Variants in DRC11 observed in about 807,000 individuals in gnomAD.
The protein encoded by DRC11 is IQ and AAA domain-containing protein 1.
the DRC11 span, among the ~76,000 whole-genome samples, chr2:236,504,002 C>T: frequency 6.6e-6 from 1 of 152,154 alleles, no homozygotes; most frequent in African/African-American, 2.4e-5. The surrounding 1 kb of genome is among the most constrained non-coding windows in gnomAD (Gnocchi z 5.0). Flanking sequence ...GTGTACAATT[C>T]AGTGGTTTTC....
the DRC11 span, among the ~76,000 whole-genome samples, chr2:236,477,581 C>T: frequency 2.0e-5 from 3 of 152,094 alleles, no homozygotes; most frequent in South Asian, 6.2e-4. Context: ...TTTTCTTCTC[C>T]TTAATTTTTT....
chr2:236,409,530 G>A, the DRC11 span, among the ~76,000 whole-genome samples: 8 of 152,048 alleles, frequency 5.3e-5, no homozygotes, highest in Non-Finnish European at 1.2e-4. Context: ...GGGTTTTCTA[G>A]ATATACAATC....
chr2:236,460,914 C>T, the DRC11 span, among the ~76,000 whole-genome samples: 1 of 152,114 alleles, frequency 6.6e-6, no homozygotes, highest in Non-Finnish European at 1.5e-5. The surrounding 1 kb of genome is among the most constrained non-coding windows in gnomAD (Gnocchi z 4.0). Flanking sequence ...GCCACCATGT[C>T]AAGCTAATTT....
the DRC11 span, among the ~76,000 whole-genome samples, chr2:236,357,054 CTATT>C: frequency 2.7e-3 from 208 of 77,936 alleles, 15 homozygotes; most frequent in African/African-American, 7.7e-3. Context: ...TATTATATAT[CTATT>C]TATATATTCA....
the DRC11 span, among the ~76,000 whole-genome samples, chr2:236,370,539 C>T: frequency 6.6e-6 from 1 of 152,038 alleles, no homozygotes; most frequent in Non-Finnish European, 1.5e-5. The surrounding 1 kb of genome is among the most constrained non-coding windows in gnomAD (Gnocchi z 5.5). Flanking sequence ...GCACCGGCCC[C>T]CAGAATTTCT....
the DRC11 span, among the ~76,000 whole-genome samples, chr2:236,436,975 G>T: frequency 2.6e-5 from 4 of 151,592 alleles, no homozygotes; most frequent in Non-Finnish European, 5.9e-5. Flanking sequence ...AATTTTAGGG[G>T]ACATGTGCAC....
chr2:236,322,729 T>G, the DRC11 span, among the ~76,000 whole-genome samples: 1 of 152,246 alleles, frequency 6.6e-6, no homozygotes, highest in Non-Finnish European at 1.5e-5. Flanking sequence ...TTACCAGTTT[T>G]TAAACTTAGG....
the DRC11 span, among the ~76,000 whole-genome samples, chr2:236,325,054 C>T: frequency 1.3e-5 from 2 of 152,172 alleles, no homozygotes; most frequent in African/African-American, 4.8e-5. The surrounding 1 kb of genome is among the most constrained non-coding windows in gnomAD (Gnocchi z 4.4). Flanking sequence ...AACCAGCCAT[C>T]CTTCCCAACA....
the DRC11 span, among the ~76,000 whole-genome samples, chr2:236,354,082 C>T: frequency 5.9e-5 from 9 of 151,940 alleles, no homozygotes; most frequent in Non-Finnish European, 1.2e-4. Context: ...CCTGGCTGGG[C>T]TGGTAAACTG....
At chr2:236,391,446 A>G in the DRC11 span, 1,698 of 154,378 alleles carry the variant, frequency 0.011, 30 homozygotes, top group African/African-American at 0.039. The surrounding 1 kb of genome is among the most constrained non-coding windows in gnomAD (Gnocchi z 4.5). Flanking sequence ...GGCTCCAATG[A>G]CAGGGCTGTC....
At chr2:236,324,720 C>A in the DRC11 span, 1 of 1,602,652 alleles carries the variant, frequency 6.2e-7, no homozygotes, top group Non-Finnish European at 8.5e-7. The surrounding 1 kb of genome is among the most constrained non-coding windows in gnomAD (Gnocchi z 5.7). Context: ...TTTGCCTTTT[C>A]TGTGCTGCCT....
the DRC11 span, among the ~76,000 whole-genome samples, chr2:236,455,815 T>C: frequency 6.6e-6 from 1 of 152,210 alleles, no homozygotes; most frequent in Non-Finnish European, 1.5e-5. This position sits in a 1 kb window ranked among gnomAD's most constrained non-coding sequence, Gnocchi z 5.7. Flanking sequence ...CCAGAAAGAA[T>C]GTGCATTTGC....
At chr2:236,491,211 T>C in the DRC11 span, among the ~76,000 whole-genome samples, 357 of 38,692 alleles carry the variant, frequency 9.2e-3, 10 homozygotes, top group Middle Eastern at 0.015. Flanking sequence ...TATATATATA[T>C]ACACACAGTA....
chr2:236,415,124 T>TAGTTGAA, the DRC11 span, among the ~76,000 whole-genome samples: 2 of 152,204 alleles, frequency 1.3e-5, no homozygotes, highest in Non-Finnish European at 2.9e-5. The surrounding 1 kb of genome is among the most constrained non-coding windows in gnomAD (Gnocchi z 5.7). Context: ...TTAAAGAGGT[T>TAGTTGAA]AGTTGAAATA....
the DRC11 span, among the ~76,000 whole-genome samples, chr2:236,358,450 TAAAAAGTATA>T: frequency 7.1e-6 from 1 of 141,114 alleles, no homozygotes; most frequent in East Asian, 2.0e-4. Flanking sequence ...AATATACATA[TAAAAAGTATA>T]AATATTTGAT....
the DRC11 span, among the ~76,000 whole-genome samples, chr2:236,437,768 T>C: frequency 7.2e-5 from 11 of 152,216 alleles, no homozygotes; most frequent in East Asian, 3.8e-4. Flanking sequence ...TCATATCCTT[T>C]GCCCACTTTT....
chr2:236,458,697 A>G, the DRC11 span, among the ~76,000 whole-genome samples: 1 of 151,984 alleles, frequency 6.6e-6, no homozygotes, highest in African/African-American at 2.4e-5. Context: ...GGACAGTATC[A>G]TTTTTCTTAC....
At chr2:236,473,089 T>A in the DRC11 span, among the ~76,000 whole-genome samples, 4 of 152,310 alleles carry the variant, frequency 2.6e-5, no homozygotes, top group South Asian at 8.3e-4. The surrounding 1 kb of genome is among the most constrained non-coding windows in gnomAD (Gnocchi z 4.8). Flanking sequence ...AATATTTTTT[T>A]AAATAAAAAT....
the DRC11 span, among the ~76,000 whole-genome samples, chr2:236,430,994 G>GC: frequency 6.6e-6 from 1 of 152,138 alleles, no homozygotes; most frequent in Non-Finnish European, 1.5e-5. This position sits in a 1 kb window ranked among gnomAD's most constrained non-coding sequence, Gnocchi z 6.0. Flanking sequence ...TGGGCTCAGG[G>GC]CCAAATCTGG....
Sources: allele counts gnomAD v4.1 joint callset (sites outside exome capture counted in the v4.1 genomes callset), GRCh38; gene constraint gnomAD v4.1.1; non-coding constraint Gnocchi (gnomAD v3.1); transcripts MANE v1.5; gene names NCBI Gene and HGNC (gene_info 2026-07-23, HGNC 2026-07-21).